Variants in DLG2 observed in about 807,000 individuals in gnomAD.
DLG2 encodes the protein disks large homolog 2.
A neutral mutation model predicts 132.5 loss-of-function variants in DLG2; 45 were observed. That is an observed-to-expected ratio of 0.34 (90% confidence interval 0.27 to 0.44). The LOEUF (loss-of-function observed/expected upper bound fraction) is 0.44, where lower values mean the gene tolerates loss of function less well. Ranked by LOEUF, DLG2 falls within the 20% of genes least tolerant of loss-of-function variation. DLG2 has a pLI of 1.00. For missense variants in DLG2, 1,045 were observed against 1,196.9 expected, an observed-to-expected ratio of 0.87 and a Z score of 1.87; for synonymous variants, 424 against 419.6, an observed-to-expected ratio of 1.01 and a Z score of -0.13.
intron 19 of DLG2, among the ~76,000 whole-genome samples, chr11:83,579,756 G>T (rs868105330): frequency 1.3e-5 from 2 of 152,038 alleles, no homozygotes; most frequent in Middle Eastern, 6.8e-3. Context: ...GGATCATGAG[G>T]TCAGGAGATC....
chr11:84,350,334 C>G (rs1482376736), intron 7 of DLG2, among the ~76,000 whole-genome samples: 1 of 152,040 alleles, frequency 6.6e-6, no homozygotes, highest in African/African-American at 2.4e-5. Flanking sequence ...TGCATTTTTC[C>G]AGAAATAGGC....
At chr11:83,871,850 T>C (rs1040092753) in intron 16 of DLG2, among the ~76,000 whole-genome samples, 2 of 152,228 alleles carry the variant, frequency 1.3e-5, no homozygotes, top group African/African-American at 2.4e-5. Context: ...AAAATAAGTC[T>C]TCAAACTAAT....
chr11:85,614,110 G>A (rs1362941901), intron 2 of DLG2, among the ~76,000 whole-genome samples: 1 of 152,188 alleles, frequency 6.6e-6, no homozygotes, highest in Non-Finnish European at 1.5e-5. Context: ...TTTAAGAACT[G>A]TAACACTCAC....
intron 3 of DLG2, among the ~76,000 whole-genome samples, chr11:85,492,667 G>A (rs565389021): frequency 5.3e-5 from 8 of 150,760 alleles, no homozygotes; most frequent in South Asian, 2.1e-4. Context: ...GAATGCAACC[G>A]GATATATTAG....
intron 3 of DLG2, among the ~76,000 whole-genome samples, chr11:85,394,586 C>G (rs980347329): frequency 3.3e-5 from 5 of 152,124 alleles, no homozygotes; most frequent in Non-Finnish European, 5.9e-5. Context: ...GTTGACTTCT[C>G]AAAAGACTGA....
rs151035847 is a variant in DLG2, at chr11:84,559,551, T to C, written c.358-24820A>G. Among the ~76,000 whole-genome samples, 4 of 152,304 alleles carry C rather than the reference T, an allele frequency of 2.6e-5. No homozygotes were observed. In the East Asian group the frequency reaches 7.7e-4, roughly 29 times the overall value. Reference sequence around the variant, plus strand: ...TATTGATTTTCCACAAAGGTTATAATATAATAAGCATATAATATTGATTTC... The same window carrying C: ...TATTGATTTTCCACAAAGGTTATAACATAATAAGCATATAATATTGATTTC... On this transcript the variant is annotated intron_variant, in intron 6 of 27. Transcript: ENST00000376104.
At chr11:83,611,387 A>C (rs1202809552) in intron 19 of DLG2, among the ~76,000 whole-genome samples, 1 of 152,184 alleles carries the variant, frequency 6.6e-6, no homozygotes, top group Non-Finnish European at 1.5e-5. Flanking sequence ...TAATTTCAGA[A>C]CTATAATTTT....
At chr11:85,295,578 G>T (rs1044116680) in intron 3 of DLG2, among the ~76,000 whole-genome samples, 3 of 152,162 alleles carry the variant, frequency 2.0e-5, no homozygotes, top group Admixed American at 2.0e-4. Context: ...ATTCACATTT[G>T]ACACTTAAGC....
At chr11:83,965,542 C>T (rs942765722) in intron 12 of DLG2, 74 bp from the exon 13 acceptor site, 16 of 1,242,696 alleles carry the variant, frequency 1.3e-5, no homozygotes, top group South Asian at 1.2e-4. Context: ...CAAGAAGATA[C>T]CTGGAATTAT....
At chr11:84,641,489 G>A (rs2099664792) in intron 6 of DLG2, among the ~76,000 whole-genome samples, 2 of 152,082 alleles carry the variant, frequency 1.3e-5, no homozygotes, top group Admixed American at 6.6e-5. Context: ...CTTAAAACAA[G>A]CTCAAAGCCT....
At chr11:84,613,083 G>C (rs556954552) in intron 6 of DLG2, among the ~76,000 whole-genome samples, 1 of 152,210 alleles carries the variant, frequency 6.6e-6, no homozygotes, top group Admixed American at 6.5e-5. Context: ...AGGCAGTTGG[G>C]CTGATCGAGA....
chr11:84,860,162 A>C (rs2083420163), intron 6 of DLG2, among the ~76,000 whole-genome samples: 1 of 152,118 alleles, frequency 6.6e-6, no homozygotes, highest in Non-Finnish European at 1.5e-5. Flanking sequence ...TCTTCGACTT[A>C]AAAAAATATT....
At chr11:84,265,067 T>G (rs574989247) in intron 7 of DLG2, among the ~76,000 whole-genome samples, 2 of 152,314 alleles carry the variant, frequency 1.3e-5, no homozygotes, top group African/African-American at 4.8e-5. Context: ...AAGATCTTTC[T>G]CCTCACTTCT....
intron 21 of DLG2, among the ~76,000 whole-genome samples, chr11:83,519,345 A>C (rs151188243): frequency 2.4e-3 from 364 of 152,336 alleles, no homozygotes; most frequent in African/African-American, 8.4e-3. Context: ...TTAATGCTGT[A>C]ATTTTGAATT....
At chr11:85,191,534 C>T (rs965912354) in intron 4 of DLG2, among the ~76,000 whole-genome samples, 62 of 152,292 alleles carry the variant, frequency 4.1e-4, no homozygotes, top group African/African-American at 1.4e-3. Flanking sequence ...CAGAAGAATT[C>T]ATGCTAAGAA....
intron 7 of DLG2, among the ~76,000 whole-genome samples, chr11:84,403,481 T>C (rs1007110856): frequency 3.3e-5 from 5 of 152,204 alleles, no homozygotes; most frequent in East Asian, 1.9e-4. Context: ...CAAGCCATGA[T>C]TGGCTCCAGC....
chr11:85,581,868 G>C (rs532210346), intron 3 of DLG2, among the ~76,000 whole-genome samples: 28 of 152,244 alleles, frequency 1.8e-4, no homozygotes, highest in African/African-American at 5.3e-4. Context: ...TAAGAAGAAA[G>C]GTCAGCAGCT....
chr11:83,664,154 A>T (rs2075007866), intron 18 of DLG2, among the ~76,000 whole-genome samples: 2 of 152,346 alleles, frequency 1.3e-5, no homozygotes, highest in Admixed American at 6.5e-5. Flanking sequence ...GAATGAAAAT[A>T]GTATTGTCTT....
At chr11:85,433,312 A>G (rs975434385) in intron 3 of DLG2, among the ~76,000 whole-genome samples, 2 of 152,260 alleles carry the variant, frequency 1.3e-5, no homozygotes, top group African/African-American at 4.8e-5. Flanking sequence ...ATTCACATAT[A>G]ACAACATTAA....
Sources: allele counts gnomAD v4.1 joint callset (sites outside exome capture counted in the v4.1 genomes callset), GRCh38; gene constraint gnomAD v4.1.1; transcripts MANE v1.5; gene names NCBI Gene and HGNC (gene_info 2026-07-23, HGNC 2026-07-21).